Variants in TMEM154 observed in about 807,000 individuals in gnomAD.
The protein encoded by TMEM154 is transmembrane protein 154.
TMEM154 carries 27 observed loss-of-function variants against 24.5 expected under a neutral mutation model. The ratio of observed to expected loss-of-function variants is 1.10; its 90% confidence interval spans 0.81 to 1.52. TMEM154 has a LOEUF of 1.52. Ranked by LOEUF, TMEM154 falls within the 40% of genes most tolerant of loss-of-function variation. The pLI, the probability that TMEM154 is intolerant of heterozygous loss-of-function variation, is 0.00. For synonymous variants in TMEM154, 67 were observed against 76.8 expected (o/e 0.87, Z 0.67); for missense variants, 228 against 213.4 (o/e 1.07, Z -0.43).
At chr4:152,663,384 T>A (rs1215040141) in intron 1 of TMEM154, among the ~76,000 whole-genome samples, 1 of 152,112 alleles carries the variant, frequency 6.6e-6, no homozygotes, top group African/African-American at 2.4e-5. Flanking sequence ...GGACACAGGG[T>A]TAGAGGGCAA....
chr4:152,660,870 G>A (rs1728588113), intron 1 of TMEM154, among the ~76,000 whole-genome samples: 1 of 152,196 alleles, frequency 6.6e-6, no homozygotes, highest in Non-Finnish European at 1.5e-5. Context: ...TGCCAGAAAA[G>A]CTGCCCAGAA....
chr4:152,628,593 CAAAAAA>C (rs531179875), intron 6 of TMEM154, 32 bp from the exon 7 acceptor site: 5 of 450,396 alleles, frequency 1.1e-5, no homozygotes, highest in Admixed American at 1.2e-4. Context: ...AAAAAAAAAA[CAAAAAA>C]AACACACACA....
intron 1 of TMEM154, among the ~76,000 whole-genome samples, chr4:152,673,303 C>A (rs1205994890): frequency 6.7e-6 from 1 of 149,198 alleles, no homozygotes; most frequent in Non-Finnish European, 1.5e-5. Context: ...ATTTTATTTA[C>A]TTCTTTATTT....
intron 3 of TMEM154, among the ~76,000 whole-genome samples, chr4:152,645,934 T>TACACACACAC (rs10545647): frequency 6.4e-5 from 9 of 140,464 alleles, no homozygotes; most frequent in African/African-American, 7.9e-5. Context: ...GAAAGGAGAA[T>TACACACACAC]ACACACACAC....
At chr4:152,667,288 T>C (rs1728739687) in intron 1 of TMEM154, among the ~76,000 whole-genome samples, 2 of 152,250 alleles carry the variant, frequency 1.3e-5, no homozygotes, top group South Asian at 4.1e-4. Context: ...GGTGTATCTC[T>C]AGTCACAAAG....
intron 6 of TMEM154, 34 bp from the exon 7 acceptor site, chr4:152,628,595 A>AAAAAC: frequency 8.5e-7 from 1 of 1,174,678 alleles, no homozygotes; most frequent in African/African-American, 1.8e-5. Flanking sequence ...AAAAAAAACA[A>AAAAAC]AAAAAACACA....
In TMEM154 at chr4:152,640,983, C is replaced by T. The variant is rs777411337; in HGVS notation, c.481G>A (p.Asp161Asn). ...TTCAAGGTAGGTAAACATTCAAAGTCGGCTAGGACAGAATAAAAGCAAACT... is the reference window on the plus strand; with the variant it reads ...TTCAAGGTAGGTAAACATTCAAAGTTGGCTAGGACAGAATAAAAGCAAACT... ...KWMNSMNRNA[D>N]FECLPTLKEE... The change falls in exon 6 of 7, where the codon GAC (aspartate) becomes AAC (asparagine). Residue 161 changes from aspartate (D) to asparagine (N), a missense_variant and splice_region_variant. Physicochemically the swap from Asp to Asn is conservative, Grantham distance 23 (BLOSUM62 1). Coordinates refer to ENST00000304385, the MANE Select transcript of TMEM154 (RefSeq NM_152680.3). The T allele has an allele frequency of 1.7e-5, 27 of 1,604,686 alleles. 1 individual carries two copies. The South Asian group carries it at 2.1e-4, about 13-fold the overall frequency.
chr4:152,640,879 C>A, intron 6 of TMEM154, 49 bp downstream of exon 6: 3 of 1,258,680 alleles, frequency 2.4e-6, no homozygotes, highest in South Asian at 2.4e-5. Context: ...TTCCCAATCC[C>A]CCCGCCCCCC....
intron 1 of TMEM154, among the ~76,000 whole-genome samples, chr4:152,654,086 G>C (rs989668262): frequency 2.0e-4 from 31 of 151,940 alleles, no homozygotes; most frequent in African/African-American, 5.3e-4. Context: ...AAAACCATCA[G>C]GATGAGAAAG....
rs550272083 is a variant in TMEM154 at position 152,667,374 on chromosome 4, C to T, written c.64+12496G>A. On this transcript the variant is annotated intron_variant, in intron 1 of 6. Transcript: ENST00000304385. ...AACATACAAGGGAATGGAGGAATTG[C>T]TTAATAACAACTTATGCATCCTAAA... is the stretch of plus-strand genomic sequence containing the variant. 1.3e-4 allele frequency among the ~76,000 whole-genome samples: 20 copies of T among 152,204 alleles called. No individual in the cohort carries two copies. In the South Asian group the frequency reaches 4.1e-3, roughly 32 times the overall value.
At chr4:152,679,300 A>T (rs984124870) in intron 1 of TMEM154, among the ~76,000 whole-genome samples, 6 of 151,430 alleles carry the variant, frequency 4.0e-5, no homozygotes, top group Non-Finnish European at 8.8e-5. Flanking sequence ...TAGATGAAAG[A>T]CCTTACTTGA....
chr4:152,622,552 A>T lies in TMEM154; in HGVS notation c.*5994T>A, dbSNP rs919917214. 5.3e-5 allele frequency: 8 copies of T among 152,246 alleles called. No individual in the cohort carries two copies. Among genetic ancestry groups the T allele is most frequent in the African/African-American group, 1.9e-4 (8 of 41,560 alleles). The allele number at this position is 152,246 out of a possible 1,614,324, so 9.4% of individuals were successfully genotyped here. A position where few individuals can be genotyped will look rare whatever the true frequency, so the allele number is the denominator to read the frequency against. On this transcript the variant is annotated 3_prime_UTR_variant, in exon 7 of 7. Transcript: ENST00000304385. Reference sequence around the variant, plus strand: ...AGAAGCTATTCATTCCTCATATCTTATAGTGCTTTATTTTTAAATTTATAA... The same window carrying T: ...AGAAGCTATTCATTCCTCATATCTTTTAGTGCTTTATTTTTAAATTTATAA...
intron 1 of TMEM154, among the ~76,000 whole-genome samples, chr4:152,657,721 T>TGTAGTCACCTATAAAGGAACCCCTAA (rs1391499738): frequency 4.6e-5 from 7 of 152,286 alleles, no homozygotes; most frequent in African/African-American, 1.4e-4. Context: ...GAGAAACGCA[T>TGTAGTCACCTATAAAGGAACCCCTAA]GTAGTCACCT....
At chr4:152,651,439 T>A (rs1728381437) in intron 3 of TMEM154, among the ~76,000 whole-genome samples, 1 of 152,230 alleles carries the variant, frequency 6.6e-6, no homozygotes, top group Non-Finnish European at 1.5e-5. Flanking sequence ...AGCTCCTACA[T>A]CAGTCCTTGC....
rs1444287983 is a variant in TMEM154 at position 152,623,615 on chromosome 4, T to G, written c.*4931A>C. The G allele has an allele frequency of 6.6e-6, 1 of 152,158 alleles. No homozygotes were observed. Among genetic ancestry groups the G allele is most frequent in the African/African-American group, 2.4e-5 (1 of 41,436 alleles). The allele number at this position is 152,158 out of a possible 1,614,324, so 9.4% of individuals were successfully genotyped here. A position where few individuals can be genotyped will look rare whatever the true frequency, so the allele number is the denominator to read the frequency against. On this transcript the variant is annotated 3_prime_UTR_variant, in exon 7 of 7. Coordinates refer to ENST00000304385, the MANE Select transcript of TMEM154 (RefSeq NM_152680.3). ...TGAAAACTGGCTGGGCATGGTGGCT[T>G]ATGCCTATAATCCCAACATGTTGGG...
At chr4:152,671,070 T>C (rs1381872494) in intron 1 of TMEM154, among the ~76,000 whole-genome samples, 2 of 152,112 alleles carry the variant, frequency 1.3e-5, no homozygotes, top group East Asian at 3.8e-4. Flanking sequence ...AGGTATTTGA[T>C]GCAGGGGAAT....
chr4:152,647,257 C>A (rs1361561580), intron 3 of TMEM154: 1 of 985,108 alleles, frequency 1.0e-6, no homozygotes, highest in Non-Finnish European at 1.2e-6. Flanking sequence ...CCATGCTCTC[C>A]TATAAAGCAT....
chr4:152,667,273 T>C (rs144460072), intron 1 of TMEM154, among the ~76,000 whole-genome samples: 14 of 152,368 alleles, frequency 9.2e-5, no homozygotes, highest in Non-Finnish European at 1.9e-4. Flanking sequence ...CTGTCATACA[T>C]ACACGGTGTA....
chr4:152,628,659 C>T (rs1364131614), intron 6 of TMEM154, 98 bp from the exon 7 acceptor site: 125 of 1,245,322 alleles, frequency 1.0e-4, no homozygotes, highest in Non-Finnish European at 1.2e-4. Context: ...TTTTTTGAGA[C>T]GGAGTCTGGC....
Sources: gnomAD v4.1 joint callset for allele counts (sites outside exome capture counted in the v4.1 genomes callset) on GRCh38, gnomAD v4.1.1 for gene constraint, MANE v1.5 for transcripts, NCBI Gene and HGNC (gene_info 2026-07-23, HGNC 2026-07-21) for gene names.